TREM1: variants seen among roughly 807,000 people sequenced by gnomAD.
The protein encoded by TREM1 is triggering receptor expressed on myeloid cells 1, also known as triggering receptor expressed on monocytes 1.
In TREM1, 16 loss-of-function variants were observed where a neutral mutation model predicts 22.4. The ratio of observed to expected loss-of-function variants is 0.71; its 90% CI spans 0.48 to 1.08. The LOEUF (loss-of-function observed/expected upper bound fraction) is 1.08, where lower values mean the gene tolerates loss of function less well. Ranked by LOEUF, TREM1 falls within the 50% of genes least tolerant of loss-of-function variation. The pLI, the probability that TREM1 is intolerant of heterozygous loss-of-function variation, is 0.00. For synonymous variants in TREM1, 110 were observed against 111.6 expected, an observed-to-expected ratio of 0.99 and a Z score of 0.09; for missense variants, 283 against 282.9, an observed-to-expected ratio of 1.00 and a Z score of 0.00.
chr6:41,278,632 G>A (rs1275307992), intron 3 of TREM1, among the ~76,000 whole-genome samples: 1 of 151,168 alleles, frequency 6.6e-6, no homozygotes, highest in Non-Finnish European at 1.5e-5. Flanking sequence ...ACTCCAGCCT[G>A]ATTGACAGAG....
chr6:41,284,542 C>CTGTA (rs1404288339), intron 1 of TREM1, among the ~76,000 whole-genome samples: 3 of 152,198 alleles, frequency 2.0e-5, no homozygotes, highest in Non-Finnish European at 2.9e-5. Context: ...TGCTGAGAGA[C>CTGTA]TGTAGCTTAC....
downstream of TREM1, among the ~76,000 whole-genome samples, chr6:41,267,773 G>T (rs1034075038): frequency 1.3e-5 from 2 of 152,192 alleles, no homozygotes; most frequent in South Asian, 4.2e-4. Context: ...CCAAATGAGT[G>T]GTAAAGTGTT....
At chr6:41,286,500 G>A in intron 1 of TREM1, 107 bp downstream of exon 1, 1 of 1,153,878 alleles carries the variant, frequency 8.7e-7, no homozygotes. Flanking sequence ...ATAACTACTG[G>A]TTGGCTCTAT....
chr6:41,276,927 T>A (rs1767694138), intron 3 of TREM1, among the ~76,000 whole-genome samples: 2 of 152,082 alleles, frequency 1.3e-5, no homozygotes, highest in African/African-American at 4.8e-5. Flanking sequence ...GCACCCATGG[T>A]CCCAGCTACT....
intron 3 of TREM1, chr6:41,280,175 A>G: frequency 3.6e-5 from 34 of 952,760 alleles, no homozygotes; most frequent in Non-Finnish European, 4.2e-5. Context: ...GAAAAAAGAC[A>G]TGTTAGACTA....
rs1390630782 is a variant in TREM1 at position 41,276,153 on chromosome 6, G to C, written c.677C>G (p.Ala226Gly). The change falls in exon 4 of 4, where the codon GCT (alanine) becomes GGT (glycine). Residue 226 changes from alanine to glycine, a missense_variant. Ala to Gly is a moderately conservative substitution (Grantham distance 60, BLOSUM62 0). Transcript: ENST00000244709. ...SKSLVFSVLF[A>G]VTLRSFVP ...GGGTACAAATGACCTCAGCGTGACA[G>C]CAAACAGGACAGAGAAGACCAGGCT... The C allele has an allele frequency of 1.2e-6, 2 of 1,614,140 alleles. No homozygotes were observed. The highest frequency in any genetic ancestry group is 1.7e-5 in the Admixed American group (1 of 60,022).
intron 3 of TREM1, chr6:41,280,197 G>C (rs1252057246): frequency 7.4e-5 from 71 of 965,722 alleles, no homozygotes; most frequent in Non-Finnish European, 8.6e-5. Context: ...TGGTGATGTG[G>C]AAAAGTATTT....
chr6:41,277,462 G>A (rs914690614), intron 3 of TREM1, among the ~76,000 whole-genome samples: 10 of 152,148 alleles, frequency 6.6e-5, no homozygotes, highest in South Asian at 2.1e-4. Context: ...CATCTGCCCC[G>A]ATTCCAGTGC....
intron 2 of TREM1, 66 bp from the exon 3 acceptor site, chr6:41,281,219 A>AATGGATGT (rs780579111): frequency 2.8e-4 from 433 of 1,549,804 alleles, no homozygotes; most frequent in Non-Finnish European, 3.6e-4. Flanking sequence ...TGGGTGGGTG[A>AATGGATGT]ATGGATGTAT....
downstream of TREM1, among the ~76,000 whole-genome samples, chr6:41,273,010 C>T (rs1271470549): frequency 2.0e-5 from 3 of 152,116 alleles, no homozygotes; most frequent in Non-Finnish European, 2.9e-5. Context: ...GCAGCTATTC[C>T]TCCCACCCTT....
intron 3 of TREM1, chr6:41,280,580 C>T (rs1049616576): frequency 3.8e-5 from 46 of 1,210,926 alleles, no homozygotes; most frequent in Non-Finnish European, 4.2e-5. Context: ...CTGACTCACC[C>T]AAAGTCACAT....
rs139240442 is a variant in TREM1, at chr6:41,282,789, T to C, written c.50-38A>G. On this transcript the variant is annotated intron_variant, in intron 1 of 3. Transcript: ENST00000244709. ...AAAGAGAATGGGTTCTGTGAGGAAT[T>C]ATTTTTCTCTCTCTGAGTGGGGAAA... 1.4e-3 allele frequency: 2,194 copies of C among 1,539,342 alleles called. 3 individuals carry two copies. The highest frequency in any genetic ancestry group is 1.8e-3 in the Admixed American group (99 of 53,858).
rs148475826 is a variant in TREM1 at position 41,281,087 on chromosome 6, G to C, written c.473C>G (p.Thr158Ser). 3.6e-5 allele frequency: 58 copies of C among 1,614,130 alleles called. No individual in the cohort carries two copies. The highest frequency in any genetic ancestry group is 4.4e-5 in the Non-Finnish European group (52 of 1,180,052). Residue 158 changes from threonine to serine, a missense_variant, in exon 3 of 4, where the codon ACC becomes AGC. By Grantham distance (58) the Thr-to-Ser change is moderately conservative. Coordinates refer to ENST00000244709, the MANE Select transcript of TREM1 (RefSeq NM_018643.5). ...ATAGAGTGGGCACAAGGCCTTAGTG[G>C]TGGTAGGAGGAATCTTATACACATT... ...TQNVYKIPPT[T>S]TKALCPLYTS...
At chr6:41,280,763 C>G in intron 3 of TREM1, 198 bp downstream of exon 3, 3 of 1,447,242 alleles carry the variant, frequency 2.1e-6, no homozygotes, top group Non-Finnish European at 2.7e-6. Flanking sequence ...GGGAGAAGGA[C>G]AGCCTGGCTG....
intron 2 of TREM1, 49 bp from the exon 3 acceptor site, chr6:41,281,202 G>T: frequency 6.3e-7 from 1 of 1,582,596 alleles, no homozygotes; most frequent in South Asian, 1.1e-5. Flanking sequence ...GATGATGAAT[G>T]GGTGGATGGG....
chr6:41,283,521 C>G (rs1460841553), intron 1 of TREM1, among the ~76,000 whole-genome samples: 1 of 152,020 alleles, frequency 6.6e-6, no homozygotes, highest in Admixed American at 6.6e-5. Flanking sequence ...ACCAGCCTGG[C>G]CAACATGGTG....
chr6:41,281,306 G>T lies in TREM1; in HGVS notation c.407-153C>A, dbSNP rs113977605. 6.9e-5 allele frequency: 60 copies of T among 873,070 alleles called. No individual in the cohort carries two copies. The African/African-American group carries it at 7.1e-4, about 10-fold the overall frequency. 54.1% of individuals were successfully genotyped at this position (873,070 alleles called of 1,614,324 possible). Reference sequence around the variant, plus strand: ...TAAATGAAGCTGAGGAGGGAAATGAGCATGGCCCAAATGCAAAGTTTTCCT... The same window carrying T: ...TAAATGAAGCTGAGGAGGGAAATGATCATGGCCCAAATGCAAAGTTTTCCT... On this transcript the variant is annotated intron_variant, in intron 2 of 3. Transcript: ENST00000244709.
At chr6:41,280,770 G>A (rs140744050) in intron 3 of TREM1, 191 bp downstream of exon 3, 2 of 1,452,752 alleles carry the variant, frequency 1.4e-6, no homozygotes, top group East Asian at 2.5e-5. Flanking sequence ...GGACAGCCTG[G>A]CTGAGAGCCT....
chr6:41,280,669 G>A (rs967098130), intron 3 of TREM1: 3 of 1,407,576 alleles, frequency 2.1e-6, no homozygotes, highest in Non-Finnish European at 2.8e-6. Flanking sequence ...CCCTGGGGTT[G>A]GATGAGCTCC....
Sources: gnomAD v4.1 joint callset for allele counts (sites outside exome capture counted in the v4.1 genomes callset) on GRCh38, gnomAD v4.1.1 for gene constraint, MANE v1.5 for transcripts, NCBI Gene and HGNC (gene_info 2026-07-23, HGNC 2026-07-21) for gene names.